The following MYO9A variants were observed in gnomAD, a reference collection of about 807,000 sequenced individuals.
The protein encoded by MYO9A is unconventional myosin-IXa.
In MYO9A, 103 loss-of-function variants were observed where a neutral mutation model predicts 293.3. The observed-to-expected ratio is 0.35, with a 90% CI of 0.30 to 0.41. The LOEUF (loss-of-function observed/expected upper bound fraction) is 0.41, where lower values mean the gene tolerates loss of function less well. Among genes scored for constraint, MYO9A ranks in the 10% least tolerant of loss-of-function variants. MYO9A has a pLI of 1.00. For missense variants in MYO9A, 2,685 were observed against 3,033.0 expected, an observed-to-expected ratio of 0.89 and a Z score of 2.69; for synonymous variants, 1,001 against 1,035.7, an observed-to-expected ratio of 0.97 and a Z score of 0.64.
intron 1 of MYO9A, among the ~76,000 whole-genome samples, chr15:72,098,067 C>T (rs147323374): frequency 1.4e-3 from 219 of 152,114 alleles, no homozygotes; most frequent in African/African-American, 4.6e-3. Flanking sequence ...CAAAGATGTC[C>T]ACACCAGCAT....
intron 1 of MYO9A, among the ~76,000 whole-genome samples, chr15:72,088,127 A>G (rs2079800277): frequency 6.6e-6 from 1 of 152,190 alleles, no homozygotes; most frequent in African/African-American, 2.4e-5. Flanking sequence ...CAACACCTTG[A>G]TCTTGGACTT....
intron 5 of MYO9A, among the ~76,000 whole-genome samples, chr15:72,020,703 G>A (rs1016245153): frequency 3.3e-5 from 5 of 151,936 alleles, no homozygotes; most frequent in Admixed American, 6.6e-5. Context: ...CACAGAAAAC[G>A]AAAAGCACAT....
Position 72,050,673 on chromosome 15 carries a change from G to T in MYO9A, c.-71-4039C>A, listed in dbSNP as rs1596470998. ...TTTTTTTTTAAATGTACATTACCAGGCTCAACAATAGTTATGAGTTGAGGA... is the reference window on the plus strand; with the variant it reads ...TTTTTTTTTAAATGTACATTACCAGTCTCAACAATAGTTATGAGTTGAGGA... On this transcript the variant is annotated intron_variant, in intron 1 of 41. Transcript: ENST00000356056. Among the ~76,000 whole-genome samples the T allele has an allele frequency of 2.6e-5, 4 of 152,206 alleles. No homozygotes were observed. In the East Asian group the frequency reaches 7.7e-4, roughly 29 times the overall value.
At chr15:71,996,916 C>G (rs557840813) in intron 9 of MYO9A, among the ~76,000 whole-genome samples, 1 of 152,094 alleles carries the variant, frequency 6.6e-6, no homozygotes, top group East Asian at 1.9e-4. Flanking sequence ...ATGGATTTCA[C>G]TCCCATATGA....
At chr15:71,925,442 T>C (rs931818898) in intron 18 of MYO9A, among the ~76,000 whole-genome samples, 1 of 151,822 alleles carries the variant, frequency 6.6e-6, no homozygotes, top group African/African-American at 2.4e-5. Context: ...GATACGTATA[T>C]ACATGTATAT....
chr15:72,000,212 A>T (rs1366551400), intron 8 of MYO9A, among the ~76,000 whole-genome samples: 3 of 152,250 alleles, frequency 2.0e-5, no homozygotes, highest in Non-Finnish European at 1.5e-5. Flanking sequence ...AATATAGAAT[A>T]GTATAAAAAA....
intron 11 of MYO9A, among the ~76,000 whole-genome samples, chr15:71,984,873 T>C (rs1233405930): frequency 6.6e-6 from 1 of 152,208 alleles, no homozygotes; most frequent in African/African-American, 2.4e-5. Flanking sequence ...AGTGCTAATA[T>C]CATTGGCTGG....
At chr15:71,847,641 C>T (rs940023435) in intron 39 of MYO9A, among the ~76,000 whole-genome samples, 11 of 152,236 alleles carry the variant, frequency 7.2e-5, no homozygotes, top group African/African-American at 2.7e-4. Flanking sequence ...GCAAAAGGCT[C>T]TTCCCTTCCT....
intron 3 of MYO9A, among the ~76,000 whole-genome samples, chr15:72,029,716 T>G (rs1488271274): frequency 1.3e-5 from 2 of 152,224 alleles, no homozygotes; most frequent in East Asian, 3.8e-4. Flanking sequence ...ATTGTATATC[T>G]GATATTTTTT....
chr15:72,098,331 A>G (rs1434745412), intron 1 of MYO9A, among the ~76,000 whole-genome samples: 1 of 152,098 alleles, frequency 6.6e-6, no homozygotes, highest in African/African-American at 2.4e-5. Context: ...TGCCAAGTTT[A>G]ACCACTCCTG....
intron 1 of MYO9A, among the ~76,000 whole-genome samples, chr15:72,056,702 C>G (rs750560074): frequency 2.0e-5 from 3 of 152,228 alleles, no homozygotes; most frequent in Non-Finnish European, 2.9e-5. Context: ...CAGCTGGGCG[C>G]AGTGGCTCAC....
At chr15:72,108,546 A>G (rs1303368084) in intron 1 of MYO9A, among the ~76,000 whole-genome samples, 1 of 152,200 alleles carries the variant, frequency 6.6e-6, no homozygotes, top group African/African-American at 2.4e-5. Flanking sequence ...GAGACTAAAA[A>G]GAGATAATCA....
At chr15:71,902,820 A>G (rs1449239464) in intron 22 of MYO9A, 121 bp downstream of exon 22, 5 of 776,392 alleles carry the variant, frequency 6.4e-6, no homozygotes, top group Non-Finnish European at 9.4e-6. Flanking sequence ...ACCTGGGCCT[A>G]ACCAATTGTC....
rs2054307126 is a variant in MYO9A at position 71,822,302 on chromosome 15, G to C, written c.*4278C>G. ...ACCACACATATTGCTGCTTCTGGAAGCTTTGTTCTTTAATGAGCCATGGGG... is the reference window on the plus strand; with the variant it reads ...ACCACACATATTGCTGCTTCTGGAACCTTTGTTCTTTAATGAGCCATGGGG... On this transcript the variant is annotated 3_prime_UTR_variant, in exon 42 of 42. Transcript: ENST00000356056. The C allele has an allele frequency of 6.6e-6, 1 of 152,180 alleles. No individual in the cohort carries two copies. Among genetic ancestry groups the C allele is most frequent in the African/African-American group, 2.4e-5 (1 of 41,438 alleles). 9.4% of individuals were successfully genotyped at this position (152,180 alleles called of 1,614,324 possible). A position where few individuals can be genotyped will look rare whatever the true frequency, so the allele number is the denominator to read the frequency against.
At chr15:72,062,600 C>G (rs997856170) in intron 1 of MYO9A, among the ~76,000 whole-genome samples, 9 of 152,006 alleles carry the variant, frequency 5.9e-5, no homozygotes, top group Non-Finnish European at 1.3e-4. Flanking sequence ...ATTGGTCAAG[C>G]AGGAGAAACA....
intron 1 of MYO9A, among the ~76,000 whole-genome samples, chr15:72,051,828 C>T (rs568625101): frequency 4.8e-4 from 73 of 152,270 alleles, no homozygotes; most frequent in African/African-American, 1.8e-3. Context: ...ACAGCCTGGG[C>T]ACCATGAACA....
chr15:72,067,525 C>T (rs1239398500), intron 1 of MYO9A, among the ~76,000 whole-genome samples: 4 of 152,062 alleles, frequency 2.6e-5, no homozygotes, highest in Admixed American at 2.6e-4. Flanking sequence ...TCGTGATCCA[C>T]CCGCCTCAGC....
chr15:71,950,288 A>G (rs2059021180), intron 15 of MYO9A: 1 of 152,228 alleles, frequency 6.6e-6, no homozygotes, highest in East Asian at 1.9e-4. Context: ...GCAAGTGAAC[A>G]CACATAGACA....
At chr15:71,862,656 A>G in intron 32 of MYO9A, 45 bp from the exon 33 acceptor site, 1 of 1,294,732 alleles carries the variant, frequency 7.7e-7, no homozygotes, top group Non-Finnish European at 1.1e-6. Context: ...CAACACAGTA[A>G]ATGCTGCCCT....
Sources: allele counts gnomAD v4.1 joint callset (sites outside exome capture counted in the v4.1 genomes callset), GRCh38; gene constraint gnomAD v4.1.1; transcripts MANE v1.5; gene names NCBI Gene and HGNC (gene_info 2026-07-23, HGNC 2026-07-21).